Variants in ADAM9 observed in about 807,000 individuals in gnomAD.
ADAM9 encodes the protein disintegrin and metalloproteinase domain-containing protein 9.
Under a neutral mutation model 108.1 loss-of-function variants are expected in ADAM9, and 54 were observed. That is an observed-to-expected ratio of 0.50 (90% CI 0.40 to 0.63). The LOEUF (loss-of-function observed/expected upper bound fraction) is 0.63. Ranked by LOEUF, ADAM9 falls within the 20% of genes least tolerant of loss-of-function variation. ADAM9 has a pLI of 0.00. For missense variants in ADAM9, 830 were observed against 997.7 expected (o/e 0.83, Z 2.26); for synonymous variants, 316 against 336.0 (o/e 0.94, Z 0.65).
chr8:39,005,210 G>A (rs528934953), intron 1 of ADAM9, among the ~76,000 whole-genome samples: 57 of 152,202 alleles, frequency 3.7e-4, no homozygotes, highest in African/African-American at 1.3e-3. Context: ...TAACTATAGG[G>A]TATCTTGTAT....
intron 12 of ADAM9, among the ~76,000 whole-genome samples, chr8:39,045,283 T>C (rs1478888076): frequency 7.0e-5 from 7 of 100,180 alleles, no homozygotes; most frequent in South Asian, 2.7e-4. Flanking sequence ...TACATATGTA[T>C]ATGTGTGTGT....
chr8:39,045,421 C>CACACACATATGTGCGTGTGTGT lies in ADAM9; in HGVS notation c.1302+3310_1302+3311insATATGTGCGTGTGTGTACACAC, dbSNP rs1837709557. The stretch of plus-strand genomic sequence containing the variant: ...ACACACCTATATGTGCGCGTGTGTA[C>CACACACATATGTGCGTGTGTGT]ACACACCTATATGTGCGCGTGTGTA... On this transcript the variant is annotated intron_variant, in intron 12 of 21. Coordinates refer to ENST00000487273, the MANE Select transcript of ADAM9 (RefSeq NM_003816.3). 3.2e-5 allele frequency among the ~76,000 whole-genome samples: 2 copies of CACACACATATGTGCGTGTGTGT among 62,808 alleles called. 1 individual carries two copies. The highest frequency in any genetic ancestry group is 3.5e-4 in the Admixed American group (2 of 5,758). 41.2% of individuals were successfully genotyped at this position (62,808 alleles called of 152,430 possible). A position where few individuals can be genotyped will look rare whatever the true frequency, so the allele number is the denominator to read the frequency against.
Position 39,045,050 on chromosome 8 carries a change from A to ATG in ADAM9, c.1302+2942_1302+2943dup, listed in dbSNP as rs141976452. Reference sequence around the variant, plus strand: ...TGTGCATACATACATATGTATGTGTATGTGTGTGTGCATACATACATATGT... The same window carrying ATG: ...TGTGCATACATACATATGTATGTGTATGTGTGTGTGTGCATACATACATATGT... On this transcript the variant is annotated intron_variant, in intron 12 of 21. Transcript: ENST00000487273. 7.9e-3 allele frequency among the ~76,000 whole-genome samples: 129 copies of ATG among 16,322 alleles called. 8 individuals carry two copies. The East Asian group carries it at 0.26, about 33-fold the overall frequency. 10.7% of individuals were successfully genotyped at this position (16,322 alleles called of 152,430 possible).
At chr8:39,015,128 C>CACTCA (rs1836485312) in intron 4 of ADAM9, 1 of 152,392 alleles carries the variant, frequency 6.6e-6, no homozygotes, top group Non-Finnish European at 1.5e-5. Flanking sequence ...ATACTTTCTT[C>CACTCA]AGACATACAC....
intron 13 of ADAM9, among the ~76,000 whole-genome samples, 178 bp from the exon 14 acceptor site, chr8:39,055,399 C>T (rs1031478271): frequency 6.6e-6 from 1 of 152,096 alleles, no homozygotes; most frequent in African/African-American, 2.4e-5. Context: ...CTTTACTTTC[C>T]ATAGTTAGGA....
chr8:39,008,511 G>A (rs1434134209), intron 2 of ADAM9, among the ~76,000 whole-genome samples: 2 of 152,042 alleles, frequency 1.3e-5, no homozygotes, highest in South Asian at 2.1e-4. Flanking sequence ...TGATCAACTC[G>A]AAACATAACA....
chr8:39,047,671 C>CT (rs893616882), intron 12 of ADAM9, among the ~76,000 whole-genome samples: 1 of 151,904 alleles, frequency 6.6e-6, no homozygotes, highest in African/African-American at 2.4e-5. Flanking sequence ...TGAGTCTTCT[C>CT]TTTCTTTTTC....
chr8:39,077,402 T>TGC lies in ADAM9; in HGVS notation c.1873_1874dup (p.Gly626LeufsTer11). 6.2e-7 allele frequency: 1 copy of TGC among 1,611,082 alleles called. No homozygotes were observed. The highest frequency in any genetic ancestry group is 8.5e-7 in the Non-Finnish European group (1 of 1,178,448). ...TGGTTAACGAAGGCACAAAATGTGG[T>TGC]GCTGGAAAGGTAATCAAAATATTTT... On this transcript the variant is annotated frameshift_variant, in exon 16 of 22. Coordinates refer to ENST00000487273, the MANE Select transcript of ADAM9 (RefSeq NM_003816.3). LOFTEE classifies it high-confidence loss of function.
intron 13 of ADAM9, among the ~76,000 whole-genome samples, 173 bp from the exon 14 acceptor site, chr8:39,055,404 T>A (rs540613708): frequency 1.3e-5 from 2 of 152,232 alleles, no homozygotes; most frequent in Admixed American, 6.5e-5. Context: ...CTTTCCATAG[T>A]TAGGACTTAC....
intron 3 of ADAM9, 24 bp from the exon 4 acceptor site, chr8:39,013,941 A>C (rs777199628): frequency 1.3e-6 from 2 of 1,567,778 alleles, no homozygotes; most frequent in South Asian, 1.1e-5. Flanking sequence ...CATATATATA[A>C]ACGGTGTTTT....
At chr8:39,007,849 G>GT in intron 1 of ADAM9, 37 bp from the exon 2 acceptor site, 1 of 1,453,958 alleles carries the variant, frequency 6.9e-7, no homozygotes. Flanking sequence ...TAGTTTTTCA[G>GT]TTTCACTTAT....
chr8:39,044,903 C>T (rs113109723), intron 12 of ADAM9, among the ~76,000 whole-genome samples: 4 of 142,836 alleles, frequency 2.8e-5, no homozygotes, highest in African/African-American at 5.8e-5. Context: ...TGTGTGTGCA[C>T]ACATACATAT....
intron 12 of ADAM9, among the ~76,000 whole-genome samples, chr8:39,043,222 A>G (rs1432293203): frequency 6.6e-6 from 1 of 152,196 alleles, no homozygotes; most frequent in Admixed American, 6.5e-5. Context: ...TACTGTGAAT[A>G]ATGCTGCAGT....
chr8:39,043,522 A>T (rs924298784), intron 12 of ADAM9, among the ~76,000 whole-genome samples: 11 of 152,102 alleles, frequency 7.2e-5, no homozygotes, highest in African/African-American at 2.2e-4. Context: ...TTCCATGATG[A>T]TGAGTGACAT....
rs775579630 is a variant in ADAM9 at position 39,023,366 on chromosome 8, AAAT to A, written c.914+48_914+50del. 3.9e-6 allele frequency: 6 copies of A among 1,552,218 alleles called. No individual in the cohort carries two copies. In the African/African-American group the frequency reaches 4.2e-5, roughly 11 times the overall value. On this transcript the variant is annotated intron_variant, in intron 9 of 21. Transcript: ENST00000487273. Reference sequence around the variant, plus strand: ...TTAAGTACTATTAATGAAATAATCAAAATAATAATTTTTGCTTATTTTCTTGTA... The same window carrying A: ...TTAAGTACTATTAATGAAATAATCAAAATAATTTTTGCTTATTTTCTTGTA...
intron 12 of ADAM9, among the ~76,000 whole-genome samples, chr8:39,043,762 G>T (rs1264727228): frequency 6.6e-6 from 1 of 151,968 alleles, no homozygotes; most frequent in South Asian, 2.1e-4. Context: ...TAATTTTTCA[G>T]CCCTCACACC....
chr8:39,088,880 TAAG>T (rs1267789800), intron 18 of ADAM9, among the ~76,000 whole-genome samples: 2 of 151,878 alleles, frequency 1.3e-5, no homozygotes, highest in Non-Finnish European at 2.9e-5. Context: ...TTTTAGAAAT[TAAG>T]AAGAAAAAAG....
At chr8:39,055,549 C>A (rs1480550665) in intron 13 of ADAM9, 28 bp from the exon 14 acceptor site, 1 of 1,605,504 alleles carries the variant, frequency 6.2e-7, no homozygotes, top group African/African-American at 1.3e-5. Flanking sequence ...CCTGATATTT[C>A]TGTTTAATTT....
chr8:39,089,831 T>C (rs1839292469), intron 18 of ADAM9: 2 of 551,526 alleles, frequency 3.6e-6, no homozygotes, highest in Admixed American at 3.0e-5. Flanking sequence ...AGAAATACTG[T>C]AAGGTTACAG....
Sources: allele counts gnomAD v4.1 joint callset (sites outside exome capture counted in the v4.1 genomes callset), GRCh38; gene constraint gnomAD v4.1.1; transcripts MANE v1.5; gene names NCBI Gene and HGNC (gene_info 2026-07-23, HGNC 2026-07-21).